Variants in ASTN1 observed in about 807,000 individuals in gnomAD.
The protein encoded by ASTN1 is astrotactin 1.
In ASTN1, 41 loss-of-function variants were observed where a neutral mutation model predicts 140.7. The ratio of observed to expected loss-of-function variants is 0.29; its 90% CI spans 0.23 to 0.38. ASTN1 has a LOEUF of 0.38. ASTN1 is among the 10% of genes least tolerant of loss of function. The pLI is 1.00. For missense variants in ASTN1, 1,479 were observed against 1,678.8 expected (o/e 0.88, Z 2.08); for synonymous variants, 640 against 652.2 (o/e 0.98, Z 0.29).
Position 177,076,284 on chromosome 1 carries a change from A to C in ASTN1, c.284-15019T>G, listed in dbSNP as rs533133779. ...ACAGAGCGAGACTATGTCTCAAAAA[A>C]AAAAAAAAAAAGAAAGAAAGAAAAA... is the stretch of plus-strand genomic sequence containing the variant. On this transcript the variant is annotated intron_variant, in intron 1 of 22. Coordinates refer to ENST00000361833, the MANE Select transcript of ASTN1 (RefSeq NM_004319.3). 3.3e-5 allele frequency among the ~76,000 whole-genome samples: 5 copies of C among 149,846 alleles called. No individual in the cohort carries two copies. In the East Asian group the frequency reaches 9.8e-4, roughly 29 times the overall value.
chr1:176,877,715 A>T (rs1046191015), intron 20 of ASTN1, among the ~76,000 whole-genome samples: 1 of 152,166 alleles, frequency 6.6e-6, no homozygotes, highest in African/African-American at 2.4e-5. Flanking sequence ...AAAGAAAATC[A>T]TTAATGTCGC....
chr1:176,857,600 CT>C, downstream of ASTN1: 1 of 609,606 alleles, frequency 1.6e-6, no homozygotes, highest in Non-Finnish European at 3.0e-6. Context: ...CGTCTTCTTC[CT>C]TTCCTCCAAT....
intron 17 of ASTN1, 54 bp from the exon 18 acceptor site, chr1:176,888,258 T>G: frequency 6.3e-7 from 1 of 1,598,286 alleles, no homozygotes; most frequent in Non-Finnish European, 8.6e-7. Context: ...GGCTAGGCCA[T>G]CAGAATCAAG....
intron 8 of ASTN1, among the ~76,000 whole-genome samples, chr1:176,997,171 A>T (rs1210347874): frequency 6.6e-6 from 1 of 152,146 alleles, no homozygotes; most frequent in Non-Finnish European, 1.5e-5. Flanking sequence ...AGCACACTCC[A>T]CAAGCCAGGC....
At chr1:176,952,797 C>G (rs1672247175) in intron 11 of ASTN1, among the ~76,000 whole-genome samples, 1 of 152,184 alleles carries the variant, frequency 6.6e-6, no homozygotes, top group African/African-American at 2.4e-5. Context: ...ATTCTTTTCT[C>G]CTGGCTCTGG....
chr1:177,068,306 A>G lies in ASTN1; in HGVS notation c.284-7041T>C, dbSNP rs552218009. Reference sequence around the variant, plus strand: ...TGGAACAAAAGCTTTAGAGCAAAATAGCTTAAAATTTCAAAAAGCTCTCAT... The same window carrying G: ...TGGAACAAAAGCTTTAGAGCAAAATGGCTTAAAATTTCAAAAAGCTCTCAT... On this transcript the variant is annotated intron_variant, in intron 1 of 22. Coordinates refer to ENST00000361833, the MANE Select transcript of ASTN1 (RefSeq NM_004319.3). Among the ~76,000 whole-genome samples the G allele has an allele frequency of 2.0e-5, 3 of 152,344 alleles. No homozygotes were observed. The East Asian group carries it at 5.8e-4, about 29-fold the overall frequency.
At chr1:177,108,570 C>A (rs1457212007) in intron 1 of ASTN1, among the ~76,000 whole-genome samples, 1 of 152,004 alleles carries the variant, frequency 6.6e-6, no homozygotes, top group Non-Finnish European at 1.5e-5. Context: ...TGTGTGTATA[C>A]CCACTCCCTG....
At chr1:177,122,861 G>A (rs1191262470) in intron 1 of ASTN1, among the ~76,000 whole-genome samples, 1 of 152,230 alleles carries the variant, frequency 6.6e-6, no homozygotes, top group Non-Finnish European at 1.5e-5. Flanking sequence ...AAGGCTGACA[G>A]AGAAGAGCCC....
intron 21 of ASTN1, among the ~76,000 whole-genome samples, chr1:176,870,991 G>A (rs1668318682): frequency 6.6e-6 from 1 of 152,144 alleles, no homozygotes; most frequent in South Asian, 2.1e-4. Context: ...ACACTGCCAG[G>A]GTGAGATGGA....
intron 1 of ASTN1, among the ~76,000 whole-genome samples, chr1:177,129,838 G>T (rs1319852351): frequency 6.6e-6 from 1 of 152,088 alleles, no homozygotes. Flanking sequence ...ATGGTGGCAC[G>T]CACCTGTAGT....
chr1:176,938,820 G>A (rs1258501242), intron 14 of ASTN1, among the ~76,000 whole-genome samples: 1 of 152,138 alleles, frequency 6.6e-6, no homozygotes. Flanking sequence ...GGGCATAAAA[G>A]TTCTTTGAGA....
chr1:177,004,927 A>C (rs1191670403), intron 8 of ASTN1, among the ~76,000 whole-genome samples: 1 of 152,232 alleles, frequency 6.6e-6, no homozygotes, highest in Non-Finnish European at 1.5e-5. Context: ...CAAATAATTT[A>C]TGACTAAGAC....
Position 176,880,031 on chromosome 1 carries a change from G to T in ASTN1, c.3362+2828C>A, listed in dbSNP as rs73051873. ...ACTGAACACTCAGCACCCTCAGAGG[G>T]TTAGATGGGATTACTGGGCAGAAGA... On this transcript the variant is annotated intron_variant, in intron 20 of 22. Transcript: ENST00000361833. Among the ~76,000 whole-genome samples the T allele has an allele frequency of 3.8e-3, 574 of 152,318 alleles. 1 individual carries two copies. Among genetic ancestry groups the T allele is most frequent in the African/African-American group, 0.013 (532 of 41,582 alleles).
In ASTN1 at chr1:177,036,047, T is replaced by C. The variant is rs1676701869; in HGVS notation, c.472-3198A>G. On this transcript the variant is annotated intron_variant, in intron 2 of 22. Coordinates refer to ENST00000361833, the MANE Select transcript of ASTN1 (RefSeq NM_004319.3). ...ATGACCTCAGCTTTCTTTTTTTTTT[T>C]TTTTTTTTTTTTTTTGAGATGGAGT... 2.1e-5 allele frequency among the ~76,000 whole-genome samples: 3 copies of C among 141,596 alleles called. No homozygotes were observed. In the South Asian group the frequency reaches 7.1e-4, roughly 33 times the overall value. The allele number at this position is 141,596 out of a possible 152,430, so 92.9% of individuals were successfully genotyped here. A position where few individuals can be genotyped will look rare whatever the true frequency, so the allele number is the denominator to read the frequency against.
At chr1:177,066,378 A>T (rs550042180) in intron 1 of ASTN1, among the ~76,000 whole-genome samples, 8 of 152,236 alleles carry the variant, frequency 5.3e-5, no homozygotes, top group Non-Finnish European at 1.2e-4. Flanking sequence ...AAGTCACAGC[A>T]GAGAATAATC....
At chr1:176,949,135 C>A (rs1385602187) in intron 12 of ASTN1, 50 bp downstream of exon 12, 1 of 1,603,916 alleles carries the variant, frequency 6.2e-7, no homozygotes, top group Non-Finnish European at 8.5e-7. Flanking sequence ...GAAAGTCCTG[C>A]GTCCTGGGAC....
intron 2 of ASTN1, among the ~76,000 whole-genome samples, chr1:177,043,451 A>G (rs202009433): frequency 4.5e-4 from 68 of 152,364 alleles, no homozygotes; most frequent in Non-Finnish European, 8.8e-4. Flanking sequence ...AAAGATGACA[A>G]CGGCCATTCC....
intron 4 of ASTN1, 80 bp from the exon 5 acceptor site, chr1:177,029,821 G>T: frequency 1.5e-6 from 2 of 1,321,808 alleles, no homozygotes; most frequent in South Asian, 1.3e-5. Flanking sequence ...AGTTCAATGG[G>T]AAAATCAACA....
At chr1:176,876,738 T>A in intron 20 of ASTN1, 101 bp from the exon 21 acceptor site, 1 of 1,144,752 alleles carries the variant, frequency 8.7e-7, no homozygotes, top group Non-Finnish European at 1.3e-6. Context: ...AATGGGTGGC[T>A]ATGGACCCAG....
Sources: gnomAD v4.1 joint callset for allele counts (sites outside exome capture counted in the v4.1 genomes callset) on GRCh38, gnomAD v4.1.1 for gene constraint, MANE v1.5 for transcripts, NCBI Gene and HGNC (gene_info 2026-07-23, HGNC 2026-07-21) for gene names.